ZGRF1: variants seen among roughly 807,000 people sequenced by gnomAD.
The protein encoded by ZGRF1 is zinc finger GRF-type containing 1, also known as 5'-3' DNA helicase ZGRF1.
A neutral mutation model predicts 203.5 loss-of-function variants in ZGRF1; 196 were observed. The observed-to-expected ratio is 0.96, with a 90% CI of 0.86 to 1.08. The LOEUF (loss-of-function observed/expected upper bound fraction) is 1.08. Among genes scored for constraint, ZGRF1 ranks in the 50% least tolerant of loss-of-function variants. The probability of loss-of-function intolerance (pLI) is 0.00; values close to 1 mark genes in which losing one functional copy is unlikely to be tolerated. For missense variants in ZGRF1, 2,326 were observed against 2,416.3 expected (o/e 0.96, Z 0.78); for synonymous variants, 809 against 841.3 (o/e 0.96, Z 0.66).
At chr4:112,565,856 G>A (rs1742965678) in intron 16 of ZGRF1, among the ~76,000 whole-genome samples, 1 of 152,166 alleles carries the variant, frequency 6.6e-6, no homozygotes, top group African/African-American at 2.4e-5. Flanking sequence ...AACAGGTGCT[G>A]GAGAGGATGT....
Position 112,587,657 on chromosome 4 carries a change from C to T in ZGRF1, c.3400G>A (p.Asp1134Asn), listed in dbSNP as rs750109551. ...GTAGATATATTATTAAGTGAAACAT[C>T]CCCTGGATTCACTTCCCTAGATTCT... Reference protein sequence around the residue: ...SEESREVNPGDVSLNNISTQS... With the variant: ...SEESREVNPGNVSLNNISTQS... Residue 1134 changes from aspartate to asparagine, a missense_variant, in exon 12 of 28, where the codon GAT (aspartate) becomes AAT (asparagine). By Grantham distance (23) the Asp-to-Asn change is conservative. Transcript: ENST00000505019. 1.2e-6 allele frequency: 2 copies of T among 1,613,694 alleles called. No homozygotes were observed. The highest frequency in any genetic ancestry group is 1.3e-5 in the African/African-American group (1 of 75,028).
intron 10 of ZGRF1, 80 bp from the exon 11 acceptor site, chr4:112,589,954 A>G (rs1747872995): frequency 3.0e-6 from 3 of 1,006,626 alleles, no homozygotes; most frequent in Admixed American, 5.8e-5. Context: ...CTAGTAATCT[A>G]TATTATAAAA....
intron 24 of ZGRF1, among the ~76,000 whole-genome samples, chr4:112,542,461 T>C (rs1473262116): frequency 6.6e-6 from 1 of 152,206 alleles, no homozygotes; most frequent in Non-Finnish European, 1.5e-5. Context: ...ATTTACGGTA[T>C]GGTTTCAACT....
intron 3 of ZGRF1, among the ~76,000 whole-genome samples, chr4:112,627,306 T>C (rs189508829): frequency 1.1e-3 from 172 of 152,332 alleles, no homozygotes; most frequent in Non-Finnish European, 2.0e-3. Context: ...TTTTTCTCCA[T>C]TGCCATTGCA....
intron 16 of ZGRF1, among the ~76,000 whole-genome samples, chr4:112,573,234 G>A (rs1246606196): frequency 6.7e-6 from 1 of 148,654 alleles, no homozygotes; most frequent in Non-Finnish European, 1.5e-5. Flanking sequence ...AAAAAGAAAC[G>A]AATAATGGCA....
rs1436885944 is a variant in ZGRF1, at chr4:112,548,276, C to T, written c.5451G>A (p.Pro1817=). 3.2e-5 allele frequency: 50 copies of T among 1,551,882 alleles called. No individual in the cohort carries two copies. The highest frequency in any genetic ancestry group is 4.1e-5 in the African/African-American group (3 of 72,952). ...VLDECSQITE[P]ASLLPIARFE... Reference sequence around the variant, plus strand: ...ACCTTGCAATGGGAAGGAGAGAGGCCGGTTCAGTTATCTGACTACACTCAT... The same window carrying T: ...ACCTTGCAATGGGAAGGAGAGAGGCTGGTTCAGTTATCTGACTACACTCAT... The change falls in exon 23 of 28, where the codon CCG becomes CCA. Residue 1817 remains proline, a synonymous_variant. Transcript: ENST00000505019.
rs1298183550 is a variant in ZGRF1, at chr4:112,579,256, T to C, written c.4438+2407A>G. 2.0e-4 allele frequency among the ~76,000 whole-genome samples: 25 copies of C among 123,388 alleles called. 6 individuals are homozygous for C. The highest frequency in any genetic ancestry group is 3.8e-3 in the Middle Eastern group (1 of 266). 80.9% of individuals were successfully genotyped at this position (123,388 alleles called of 152,430 possible). ...CTAAAAACTCTCAATAAGTTAGGTA[T>C]TGATTGGATGTATCTCAAAATAATA... On this transcript the variant is annotated intron_variant, in intron 16 of 27. Coordinates refer to ENST00000505019, the MANE Select transcript of ZGRF1 (RefSeq NM_018392.5).
intron 16 of ZGRF1, among the ~76,000 whole-genome samples, chr4:112,563,550 G>A (rs927976258): frequency 2.0e-5 from 3 of 152,150 alleles, no homozygotes; most frequent in African/African-American, 7.2e-5. Flanking sequence ...GAATTACAGG[G>A]TGAGGAAGAA....
At chr4:112,543,234 T>C (rs1003166264) in intron 24 of ZGRF1, among the ~76,000 whole-genome samples, 1 of 152,210 alleles carries the variant, frequency 6.6e-6, no homozygotes, top group African/African-American at 2.4e-5. Flanking sequence ...CTTCATTGCT[T>C]TCTTCTACCG....
At chr4:112,589,592 A>G in intron 11 of ZGRF1, 132 bp downstream of exon 11, 1 of 753,608 alleles carries the variant, frequency 1.3e-6, no homozygotes, top group Non-Finnish European at 2.2e-6. Context: ...AAAGGAAGAA[A>G]GGTTATGGAA....
At chr4:112,629,150 T>C (rs759448668) in intron 3 of ZGRF1, among the ~76,000 whole-genome samples, 3 of 152,150 alleles carry the variant, frequency 2.0e-5, no homozygotes, top group Admixed American at 6.5e-5. Flanking sequence ...GGTCTCAAAT[T>C]TCAATCCAAA....
At chr4:112,630,261 T>C (rs1014045004) in intron 3 of ZGRF1, among the ~76,000 whole-genome samples, 1 of 152,242 alleles carries the variant, frequency 6.6e-6, no homozygotes, top group Non-Finnish European at 1.5e-5. Flanking sequence ...CTCACGCCTG[T>C]AATCCCAGCA....
At chr4:112,606,314 C>A (rs1455489794) in intron 8 of ZGRF1, among the ~76,000 whole-genome samples, 4 of 152,216 alleles carry the variant, frequency 2.6e-5, no homozygotes, top group Non-Finnish European at 4.4e-5. Context: ...AAACTTAGCA[C>A]ATTAGAAAAT....
intron 24 of ZGRF1, among the ~76,000 whole-genome samples, chr4:112,544,080 TAGA>T (rs957696833): frequency 3.4e-4 from 51 of 152,234 alleles, no homozygotes; most frequent in African/African-American, 1.1e-3. Flanking sequence ...TGACTTGTCA[TAGA>T]AGAAGTAGAA....
In ZGRF1 at chr4:112,560,733, C is replaced by A; in HGVS notation, c.4960G>T (p.Gly1654Cys). 6.4e-7 allele frequency: 1 copy of A among 1,565,116 alleles called. No homozygotes were observed. The highest frequency in any genetic ancestry group is 1.2e-5 in the South Asian group (1 of 84,506). The stretch of plus-strand genomic sequence containing the variant: ...AATTATTTTCTTTCTTGCTTCTTAC[C>A]ATGTATGATTGTGATAGGGAAGGTA... ...THTFPITIIH[G>C]VFGAGKSYLL... The change falls in exon 19 of 28, where the codon GGT (glycine) becomes TGT (cysteine). Residue 1654 changes from glycine (G) to cysteine (C), a missense_variant and splice_region_variant. By Grantham distance (159) the Gly-to-Cys change is radical. Transcript: ENST00000505019.
At chr4:112,564,831 C>A (rs1054243123) in intron 16 of ZGRF1, among the ~76,000 whole-genome samples, 4 of 152,204 alleles carry the variant, frequency 2.6e-5, no homozygotes, top group Non-Finnish European at 4.4e-5. Context: ...TGTTCCTGCA[C>A]AAAAGTTTCC....
chr4:112,581,126 T>C (rs182484675), intron 16 of ZGRF1, among the ~76,000 whole-genome samples: 6,574 of 151,866 alleles, frequency 0.043, 251 homozygotes, highest in East Asian at 0.19. Flanking sequence ...ATGTCCTCTG[T>C]AGGGACATGG....
At chr4:112,628,778 A>G in intron 3 of ZGRF1, 1 of 442,386 alleles carries the variant, frequency 2.3e-6, no homozygotes, top group Non-Finnish European at 4.5e-6. Flanking sequence ...TTGGAACCAG[A>G]AGACAACACA....
chr4:112,568,445 T>A (rs1743544557), intron 16 of ZGRF1, among the ~76,000 whole-genome samples: 1 of 152,094 alleles, frequency 6.6e-6, no homozygotes, highest in Admixed American at 6.5e-5. Flanking sequence ...GTGTGGTGGC[T>A]CACGCTTGTA....
Sources: allele counts gnomAD v4.1 joint callset (sites outside exome capture counted in the v4.1 genomes callset), GRCh38; gene constraint gnomAD v4.1.1; transcripts MANE v1.5; gene names NCBI Gene and HGNC (gene_info 2026-07-23, HGNC 2026-07-21).